The following ADGRG5 variants were observed in gnomAD, a reference collection of about 807,000 sequenced individuals.
ADGRG5 encodes the protein G protein-coupled receptor 114.
ADGRG5 carries 37 observed loss-of-function variants against 53.2 expected under a neutral mutation model. That is an observed-to-expected ratio of 0.70 (90% CI 0.53 to 0.91). The LOEUF is 0.91. Among genes scored for constraint, ADGRG5 ranks in the 40% least tolerant of loss-of-function variants. The pLI is 0.00. For synonymous variants in ADGRG5, 277 were observed against 290.4 expected (o/e 0.95, Z 0.47); for missense variants, 614 against 675.8 (o/e 0.91, Z 1.01).
intron 10 of ADGRG5, among the ~76,000 whole-genome samples, chr16:57,573,914 G>A (rs1282072204): frequency 1.3e-5 from 2 of 152,096 alleles, no homozygotes; most frequent in African/African-American, 2.4e-5. Flanking sequence ...TACAGACGGG[G>A]TTTCACCATG....
intron 10 of ADGRG5, among the ~76,000 whole-genome samples, chr16:57,573,768 C>T (rs2033429522): frequency 6.6e-6 from 1 of 152,204 alleles, no homozygotes; most frequent in Non-Finnish European, 1.5e-5. Context: ...GTCACCCAGG[C>T]TAGAGTGCAG....
At chr16:57,565,634 C>A in intron 6 of ADGRG5, 1 of 177,374 alleles carries the variant, frequency 5.6e-6, no homozygotes, top group Non-Finnish European at 1.2e-5. Context: ...GTCTCAGGAT[C>A]TTAAAGGTTC....
chr16:57,575,852 T>C lies in ADGRG5; in HGVS notation c.*314T>C. 1 of 347,500 alleles carries C rather than the reference T, an allele frequency of 2.9e-6. No individual in the cohort carries two copies. Among genetic ancestry groups the C allele is most frequent in the Non-Finnish European group, 5.5e-6 (1 of 181,402 alleles). The allele number at this position is 347,500 out of a possible 1,614,324, so 21.5% of individuals were successfully genotyped here. A position where few individuals can be genotyped will look rare whatever the true frequency, so the allele number is the denominator to read the frequency against. On this transcript the variant is annotated 3_prime_UTR_variant, in exon 12 of 12. Transcript: ENST00000349457. ...CATCAGGAAGCCAAGTTTCAAGGAC[T>C]GTCTTTGAGTCTGTCTGTATGACCT...
chr16:57,572,866 G>A (rs2033399874), intron 10 of ADGRG5, among the ~76,000 whole-genome samples: 1 of 152,202 alleles, frequency 6.6e-6, no homozygotes, highest in African/African-American at 2.4e-5. Context: ...AATGTCCTGG[G>A]ACCCTTGTGA....
At chr16:57,569,969 C>T (rs569832613) in intron 9 of ADGRG5, among the ~76,000 whole-genome samples, 2 of 151,418 alleles carry the variant, frequency 1.3e-5, no homozygotes, top group African/African-American at 4.9e-5. Context: ...TCCTCTACCT[C>T]CATTACCGCC....
intron 7 of ADGRG5, among the ~76,000 whole-genome samples, 185 bp from the exon 8 acceptor site, chr16:57,567,285 G>C (rs1444221930): frequency 6.6e-6 from 1 of 152,200 alleles, no homozygotes; most frequent in Non-Finnish European, 1.5e-5. Flanking sequence ...AGAAGAAGAG[G>C]GAGATGGGAG....
chr16:57,529,427 G>A, the ADGRG5 span: 2 of 242,802 alleles, frequency 8.2e-6, no homozygotes, highest in African/African-American at 4.6e-5. The surrounding 1 kb of genome is among the most constrained non-coding windows in gnomAD (Gnocchi z 4.1). Context: ...AAGGTAGGAG[G>A]AGAGAGTTCT....
At chr16:57,556,160 C>CT (rs1256266760) in intron 1 of ADGRG5, among the ~76,000 whole-genome samples, 7 of 152,188 alleles carry the variant, frequency 4.6e-5, no homozygotes, top group African/African-American at 1.7e-4. Flanking sequence ...ATTGGTATAT[C>CT]TTTTTTCCAT....
chr16:57,562,798 A>C (rs1472780382), intron 3 of ADGRG5, among the ~76,000 whole-genome samples: 1 of 152,168 alleles, frequency 6.6e-6, no homozygotes, highest in East Asian at 1.9e-4. Context: ...CCAATGCTGA[A>C]GACTGGTCAG....
chr16:57,574,754 T>C lies in ADGRG5; in HGVS notation c.1209-61T>C, dbSNP rs2033463716. The C allele has an allele frequency of 6.0e-6, 9 of 1,502,000 alleles. No homozygotes were observed. The highest frequency in any genetic ancestry group is 8.0e-6 in the Non-Finnish European group (9 of 1,123,620). 93.0% of individuals were successfully genotyped at this position (1,502,000 alleles called of 1,614,324 possible). On this transcript the variant is annotated intron_variant, in intron 10 of 11. Coordinates refer to ENST00000349457, the MANE Select transcript of ADGRG5 (RefSeq NM_001304376.3). This position sits in a 1 kb window ranked among gnomAD's most constrained non-coding sequence, Gnocchi z 4.4. The stretch of plus-strand genomic sequence containing the variant: ...GACCGAGTGGGGCTTCAGGGAGTGA[T>C]GCTGGCCTCCCCGCGGGCCTGGGAG...
At chr16:57,542,508 G>T (rs72791643), upstream of ADGRG5, 11,729 of 153,152 alleles carry the variant, frequency 0.077, 582 homozygotes, top group East Asian at 0.19. Context: ...GCTGCTGCTG[G>T]TGAAAGAAGA....
At chr16:57,537,901 A>G (rs191469738), upstream of ADGRG5, among the ~76,000 whole-genome samples, 743 of 152,032 alleles carry the variant, frequency 4.9e-3, 18 homozygotes, top group South Asian at 0.068. Context: ...TCAGAGGACA[A>G]GGGCATCCAC....
At chr16:57,560,699 C>T (rs35282635) in intron 1 of ADGRG5, among the ~76,000 whole-genome samples, 2,228 of 152,334 alleles carry the variant, frequency 0.015, 32 homozygotes, top group Non-Finnish European at 0.023. Flanking sequence ...GGTGAGGAAA[C>T]TCCTGAATAC....
At chr16:57,549,487 G>A (rs188704743) in intron 1 of ADGRG5, among the ~76,000 whole-genome samples, 23 of 152,280 alleles carry the variant, frequency 1.5e-4, no homozygotes, top group African/African-American at 5.5e-4. Context: ...AGGATCATCA[G>A]TTCTCTTGCC....
At chr16:57,545,110 G>A (rs1365208897) in intron 1 of ADGRG5, among the ~76,000 whole-genome samples, 1 of 152,058 alleles carries the variant, frequency 6.6e-6, no homozygotes, top group African/African-American at 2.4e-5. Context: ...TTTCTCTGAG[G>A]TTCTGAGAGG....
At chr16:57,547,734 A>G (rs2032653358) in intron 1 of ADGRG5, among the ~76,000 whole-genome samples, 1 of 151,492 alleles carries the variant, frequency 6.6e-6, no homozygotes, top group Non-Finnish European at 1.5e-5. Context: ...GGCGTGAGCC[A>G]CTGCGCCCAG....
chr16:57,533,781 C>T, the ADGRG5 span, among the ~76,000 whole-genome samples: 3 of 152,216 alleles, frequency 2.0e-5, no homozygotes, highest in African/African-American at 7.2e-5. Flanking sequence ...TGGTAACGCA[C>T]ACACTCACTG....
chr16:57,575,148 G>A (rs1332606870), intron 11 of ADGRG5, 56 bp downstream of exon 11: 1 of 1,558,324 alleles, frequency 6.4e-7, no homozygotes, highest in Non-Finnish European at 8.7e-7. Context: ...TATGGCTGGT[G>A]GGATGTTCAC....
intron 10 of ADGRG5, among the ~76,000 whole-genome samples, chr16:57,571,192 T>C (rs2033345316): frequency 6.6e-6 from 1 of 152,212 alleles, no homozygotes; most frequent in Non-Finnish European, 1.5e-5. Context: ...GTGGAACCTT[T>C]TTCCTTCTTG....
Sources: allele counts gnomAD v4.1 joint callset (sites outside exome capture counted in the v4.1 genomes callset), GRCh38; gene constraint gnomAD v4.1.1; non-coding constraint Gnocchi (gnomAD v3.1); transcripts MANE v1.5; gene names NCBI Gene and HGNC (gene_info 2026-07-23, HGNC 2026-07-21).